The following TRPC6 variants were observed in gnomAD, a reference collection of about 807,000 sequenced individuals.
The protein encoded by TRPC6 is short transient receptor potential channel 6.
Under a neutral mutation model 90.7 loss-of-function variants are expected in TRPC6, and 55 were observed. The ratio of observed to expected loss-of-function variants is 0.61; its 90% CI spans 0.49 to 0.76. TRPC6 has a LOEUF of 0.76. TRPC6 is among the 30% of genes least tolerant of loss of function. TRPC6 has a pLI of 0.00. For missense variants in TRPC6, 989 were observed against 1,122.7 expected, an observed-to-expected ratio of 0.88 and a Z score of 1.70; for synonymous variants, 393 against 393.0, an observed-to-expected ratio of 1.00 and a Z score of 0.00.
At chr11:101,558,065 A>G (rs1861599094) in intron 1 of TRPC6, among the ~76,000 whole-genome samples, 1 of 152,022 alleles carries the variant, frequency 6.6e-6, no homozygotes, top group Non-Finnish European at 1.5e-5. Flanking sequence ...AAATCCTCAA[A>G]TAGCCAAGGC....
intron 1 of TRPC6, among the ~76,000 whole-genome samples, chr11:101,577,658 G>A (rs543638881): frequency 2.0e-5 from 3 of 152,274 alleles, no homozygotes; most frequent in South Asian, 2.1e-4. Flanking sequence ...AAGAACGCTC[G>A]CTGCCAGATA....
At chr11:101,549,250 T>C (rs777688326) in intron 1 of TRPC6, among the ~76,000 whole-genome samples, 1 of 151,914 alleles carries the variant, frequency 6.6e-6, no homozygotes, top group Non-Finnish European at 1.5e-5. Context: ...TCTAACTTAT[T>C]CACTAGGTTG....
intron 1 of TRPC6, among the ~76,000 whole-genome samples, chr11:101,521,071 C>T (rs1349410091): frequency 6.6e-6 from 1 of 152,150 alleles, no homozygotes. Context: ...AAGCTGGCTG[C>T]AGAAATTTGC....
chr11:101,559,633 T>G (rs1349789787), intron 1 of TRPC6, among the ~76,000 whole-genome samples: 3 of 123,872 alleles, frequency 2.4e-5, no homozygotes, highest in East Asian at 2.3e-4. Context: ...ATAATGTCTT[T>G]TCTTTTTTTT....
chr11:101,485,132 C>T (rs1169295046), intron 4 of TRPC6, among the ~76,000 whole-genome samples: 4 of 151,150 alleles, frequency 2.6e-5, no homozygotes, highest in Admixed American at 1.3e-4. Context: ...AGAATACACA[C>T]ACACACACAC....
chr11:101,533,891 G>T lies in TRPC6; in HGVS notation c.171-29093C>A, dbSNP rs1008577353. 5.3e-5 allele frequency among the ~76,000 whole-genome samples: 8 copies of T among 152,064 alleles called. No individual in the cohort carries two copies. In the East Asian group the frequency reaches 1.5e-3, roughly 29 times the overall value. ...TCACAGCCCCACTCAGGCAACTGAG[G>T]GCTCCATAATGTATTGGCTTACAGC... On this transcript the variant is annotated intron_variant, in intron 1 of 12. Transcript: ENST00000344327.
In TRPC6 at chr11:101,504,298, A is replaced by G; in HGVS notation, c.671T>C (p.Ile224Thr). 6.2e-7 allele frequency: 1 copy of G among 1,613,224 alleles called. No individual in the cohort carries two copies. ...TRFSHDVTPI[I>T]LAAHCQEYEI... ...ATATTCCTGGCAGTGGGCAGCCAGA[A>G]TGATTGGAGTCACATCATGGGAGAA... Residue 224 changes from isoleucine (I) to threonine (T), a missense_variant, in exon 2 of 13, where the codon ATT (isoleucine) becomes ACT (threonine). Ile to Thr is a moderately conservative substitution (Grantham distance 89). This residue lies in a region of TRPC6 where 486 missense variants were observed against 591.9 expected (regional missense o/e 0.82). Transcript: ENST00000344327.
intron 1 of TRPC6, among the ~76,000 whole-genome samples, chr11:101,544,340 G>A (rs1591124722): frequency 1.3e-5 from 2 of 152,230 alleles, no homozygotes; most frequent in South Asian, 4.2e-4. Flanking sequence ...CAAGGATCTA[G>A]AACTAGAAAT....
At chr11:101,502,103 C>T (rs1382194277) in intron 2 of TRPC6, among the ~76,000 whole-genome samples, 5 of 152,214 alleles carry the variant, frequency 3.3e-5, no homozygotes, top group Admixed American at 6.5e-5. Context: ...ACACTTCACA[C>T]TGATGACAGC....
chr11:101,493,463 C>T (rs1355014215), intron 2 of TRPC6, among the ~76,000 whole-genome samples: 1 of 152,114 alleles, frequency 6.6e-6, no homozygotes, highest in Non-Finnish European at 1.5e-5. Flanking sequence ...AATTATGTGT[C>T]CAAAATCATG....
At chr11:101,459,978 C>T (rs1378412103) in intron 10 of TRPC6, among the ~76,000 whole-genome samples, 2 of 152,084 alleles carry the variant, frequency 1.3e-5, no homozygotes, top group Non-Finnish European at 2.9e-5. Flanking sequence ...GATGAGGAAA[C>T]TAAGGTTCAG....
intron 1 of TRPC6, among the ~76,000 whole-genome samples, chr11:101,573,696 T>C (rs1862011488): frequency 6.6e-6 from 1 of 152,176 alleles, no homozygotes; most frequent in Non-Finnish European, 1.5e-5. Flanking sequence ...GTAAGACACA[T>C]ATTTCTCCCA....
At chr11:101,472,702 T>A (rs977462612) in intron 7 of TRPC6, among the ~76,000 whole-genome samples, 2 of 152,284 alleles carry the variant, frequency 1.3e-5, no homozygotes, top group Non-Finnish European at 2.9e-5. Flanking sequence ...ATCCAATAGA[T>A]AATAATCATA....
chr11:101,550,820 T>A (rs895900693), intron 1 of TRPC6, among the ~76,000 whole-genome samples: 1 of 151,774 alleles, frequency 6.6e-6, no homozygotes, highest in Non-Finnish European at 1.5e-5. Flanking sequence ...CATATTTATA[T>A]ATTTCATTTT....
chr11:101,576,119 A>G (rs149982002), intron 1 of TRPC6, among the ~76,000 whole-genome samples: 94 of 152,312 alleles, frequency 6.2e-4, no homozygotes, highest in African/African-American at 2.2e-3. Context: ...CTTACTGCAC[A>G]TTGTTTAACA....
chr11:101,485,338 CAA>C (rs1231854132), intron 4 of TRPC6, among the ~76,000 whole-genome samples: 6 of 151,372 alleles, frequency 4.0e-5, no homozygotes, highest in African/African-American at 1.5e-4. Flanking sequence ...AAAATTAAAA[CAA>C]ATGGTATAAA....
intron 10 of TRPC6, among the ~76,000 whole-genome samples, chr11:101,469,094 A>G (rs1178537002): frequency 1.3e-5 from 2 of 152,190 alleles, no homozygotes; most frequent in African/African-American, 4.8e-5. Context: ...CCTGCTCTCT[A>G]CCTGAGCTGC....
chr11:101,545,175 G>A (rs1371434569), intron 1 of TRPC6, among the ~76,000 whole-genome samples: 1 of 151,728 alleles, frequency 6.6e-6, no homozygotes, highest in Admixed American at 6.6e-5. Context: ...TACACCCACT[G>A]ATTCAACCAA....
chr11:101,533,737 C>T (rs1860967891), intron 1 of TRPC6, among the ~76,000 whole-genome samples: 1 of 151,996 alleles, frequency 6.6e-6, no homozygotes, highest in African/African-American at 2.4e-5. Flanking sequence ...AGTTTATAAA[C>T]AGGGACTTCT....
Sources: gnomAD v4.1 joint callset for allele counts (sites outside exome capture counted in the v4.1 genomes callset) on GRCh38, gnomAD v4.1.1 for gene constraint, gnomAD v4.1.1 regional missense constraint, MANE v1.5 for transcripts, NCBI Gene and HGNC (gene_info 2026-07-23, HGNC 2026-07-21) for gene names.